FAM168B: variants seen among roughly 807,000 people sequenced by gnomAD.
FAM168B encodes family with sequence similarity 168 member B.
In FAM168B, 19 loss-of-function variants were observed where a neutral mutation model predicts 21.8. That is an observed-to-expected ratio of 0.87 (90% confidence interval 0.61 to 1.28). The LOEUF (loss-of-function observed/expected upper bound fraction) is 1.28, where lower values mean the gene tolerates loss of function less well. Among genes scored for constraint, FAM168B ranks in the 50% most tolerant of loss-of-function variants. The pLI is 0.00. For missense variants in FAM168B, 233 were observed against 263.1 expected, an observed-to-expected ratio of 0.89 and a Z score of 0.79; for synonymous variants, 126 against 104.8, an observed-to-expected ratio of 1.20 and a Z score of -1.24.
chr2:131,086,123 T>A (rs1018340587), intron 1 of FAM168B, among the ~76,000 whole-genome samples: 2 of 152,166 alleles, frequency 1.3e-5, no homozygotes, highest in Admixed American at 1.3e-4. Flanking sequence ...CCTAGTCCCC[T>A]GTACTTTTAA....
chr2:131,063,993 A>T (rs747278261), intron 3 of FAM168B, among the ~76,000 whole-genome samples: 1 of 152,124 alleles, frequency 6.6e-6, no homozygotes, highest in Non-Finnish European at 1.5e-5. Flanking sequence ...GCCTCCCTGA[A>T]ATATCAAATT....
intron 1 of FAM168B, among the ~76,000 whole-genome samples, chr2:131,088,601 C>T (rs1693839831): frequency 6.6e-6 from 1 of 152,044 alleles, no homozygotes; most frequent in African/African-American, 2.4e-5. Context: ...TATGTTTAAT[C>T]CTGGTAACAG....
chr2:131,092,564 CTTGT>C (rs1024028769), intron 1 of FAM168B, among the ~76,000 whole-genome samples: 3 of 152,264 alleles, frequency 2.0e-5, no homozygotes, highest in South Asian at 2.1e-4. Flanking sequence ...GCAAAATATT[CTTGT>C]TTGACTTTAA....
chr2:131,077,450 G>A (rs1693214971), intron 2 of FAM168B, among the ~76,000 whole-genome samples: 1 of 152,128 alleles, frequency 6.6e-6, no homozygotes, highest in South Asian at 2.1e-4. Flanking sequence ...CCATGAGTTC[G>A]GCAAATGTGC....
chr2:131,049,355 G>A lies in FAM168B; in HGVS notation c.*3110C>T, dbSNP rs753831164. The A allele has an allele frequency of 1.4e-5, 14 of 985,382 alleles. No individual in the cohort carries two copies. Among genetic ancestry groups the A allele is most frequent in the African/African-American group, 1.7e-5 (1 of 57,228 alleles). 61.0% of individuals were successfully genotyped at this position (985,382 alleles called of 1,614,324 possible). ...CATTGCCTGTGAACACATTTGCATAGCACTCAAGAAGGTTTCCCAGAATAG... is the reference window on the plus strand; with the variant it reads ...CATTGCCTGTGAACACATTTGCATAACACTCAAGAAGGTTTCCCAGAATAG... On this transcript the variant is annotated 3_prime_UTR_variant, in exon 7 of 7. Coordinates refer to ENST00000389915, the MANE Select transcript of FAM168B (RefSeq NM_001009993.4).
chr2:131,081,596 T>C (rs1322705585), intron 2 of FAM168B, among the ~76,000 whole-genome samples: 2 of 152,214 alleles, frequency 1.3e-5, no homozygotes, highest in East Asian at 3.8e-4. Flanking sequence ...ACTGGACGAC[T>C]AGACTGTTTA....
At position 131,093,454 on chromosome 2, in the gene FAM168B, C is replaced by G. The variant is rs960531477; in HGVS notation, c.-252G>C. 5 of 151,218 alleles carry G rather than the reference C, an allele frequency of 3.3e-5. No homozygotes were observed. The highest frequency in any genetic ancestry group is 6.6e-5 in the Admixed American group (1 of 15,176). 9.4% of individuals were successfully genotyped at this position (151,218 alleles called of 1,614,324 possible). On this transcript the variant is annotated 5_prime_UTR_variant, in exon 1 of 7. Transcript: ENST00000389915. The stretch of plus-strand genomic sequence containing the variant: ...GCCGACGCTGCGCAGCCACCGGAGC[C>G]GCCGACCTCACTTCCGCCTGAGCGC...
At chr2:131,081,138 T>C (rs1413139658) in intron 2 of FAM168B, among the ~76,000 whole-genome samples, 3 of 152,244 alleles carry the variant, frequency 2.0e-5, no homozygotes, top group African/African-American at 7.2e-5. Flanking sequence ...CCATTTTGTT[T>C]CATTTCTTAA....
intron 1 of FAM168B, among the ~76,000 whole-genome samples, chr2:131,089,860 C>T (rs971415831): frequency 6.7e-5 from 10 of 149,802 alleles, no homozygotes; most frequent in African/African-American, 2.2e-4. Context: ...GGTGAAACCC[C>T]GTCTCTACTA....
rs773061548 is a variant in FAM168B, at chr2:131,082,671, A to T, written c.-11-14T>A. On this transcript the variant is annotated splice_polypyrimidine_tract_variant and intron_variant, in intron 1 of 6. Transcript: ENST00000389915. Reference sequence around the variant, plus strand: ...TGATTTCAAAAACTAAAAGAAAAAAAAGGGAATTTAGCCAAGCACTTTTGC... The same window carrying T: ...TGATTTCAAAAACTAAAAGAAAAAATAGGGAATTTAGCCAAGCACTTTTGC... 122 of 1,565,704 alleles carry T rather than the reference A, an allele frequency of 7.8e-5. No homozygotes were observed. The highest frequency in any genetic ancestry group is 4.4e-5 in the Non-Finnish European group (51 of 1,153,974).
intron 1 of FAM168B, among the ~76,000 whole-genome samples, chr2:131,083,740 T>A (rs939030850): frequency 6.6e-6 from 1 of 152,180 alleles, no homozygotes; most frequent in Non-Finnish European, 1.5e-5. Flanking sequence ...TATGATCCCA[T>A]ATAAACACCT....
At chr2:131,082,451 C>T in intron 2 of FAM168B, 126 bp downstream of exon 2, 1 of 639,732 alleles carries the variant, frequency 1.6e-6, no homozygotes, top group South Asian at 2.1e-5. Flanking sequence ...TTTTTCACTT[C>T]CAGGTATTTT....
intron 2 of FAM168B, among the ~76,000 whole-genome samples, chr2:131,075,692 G>A (rs1373815792): frequency 6.6e-6 from 1 of 151,992 alleles, no homozygotes; most frequent in Non-Finnish European, 1.5e-5. Context: ...GTTTCACCAT[G>A]TTAGCCAGGA....
intron 3 of FAM168B, among the ~76,000 whole-genome samples, chr2:131,064,366 G>A (rs1212611347): frequency 6.6e-6 from 1 of 152,006 alleles, no homozygotes; most frequent in Non-Finnish European, 1.5e-5. Context: ...GAAGATCTGT[G>A]CCAAAACACA....
In FAM168B at chr2:131,049,259, C is replaced by T. The variant is rs184101230; in HGVS notation, c.*3206G>A. The T allele has an allele frequency of 4.2e-5, 41 of 985,524 alleles. 1 individual carries two copies. In the African/African-American group the frequency reaches 6.8e-4, roughly 16 times the overall value. The allele number at this position is 985,524 out of a possible 1,614,324, so 61.0% of individuals were successfully genotyped here. A position where few individuals can be genotyped will look rare whatever the true frequency, so the allele number is the denominator to read the frequency against. On this transcript the variant is annotated 3_prime_UTR_variant, in exon 7 of 7. Coordinates refer to ENST00000389915, the MANE Select transcript of FAM168B (RefSeq NM_001009993.4). Reference sequence around the variant, plus strand: ...TGATGCCACCAGAAAGAGCAAGGTACTGTATGCCCAGCTGGGGAAGGGCAA... The same window carrying T: ...TGATGCCACCAGAAAGAGCAAGGTATTGTATGCCCAGCTGGGGAAGGGCAA...
At chr2:131,072,969 G>C (rs1000424403) in intron 2 of FAM168B, among the ~76,000 whole-genome samples, 1 of 152,092 alleles carries the variant, frequency 6.6e-6, no homozygotes, top group Non-Finnish European at 1.5e-5. Context: ...CTATGTAAAG[G>C]TCACTCATTT....
chr2:131,074,514 A>G (rs1460256959), intron 2 of FAM168B, among the ~76,000 whole-genome samples: 1 of 152,182 alleles, frequency 6.6e-6, no homozygotes, highest in Non-Finnish European at 1.5e-5. Context: ...AGCTGTGAGA[A>G]GCTGTAACTT....
chr2:131,061,002 C>A, intron 3 of FAM168B, among the ~76,000 whole-genome samples: 1 of 151,596 alleles, frequency 6.6e-6, no homozygotes, highest in Non-Finnish European at 1.5e-5. Flanking sequence ...CAGGCGCCCA[C>A]CACCAAGCCT....
chr2:131,051,134 A>C lies in FAM168B; in HGVS notation c.*1331T>G. On this transcript the variant is annotated 3_prime_UTR_variant, in exon 7 of 7. Transcript: ENST00000389915. ...TGCTGTCTGTGCTTGCTTTGTGCCA[A>C]GTGCCCTCAGCTGCAAAAGAGATGG... 1.9e-5 allele frequency: 19 copies of C among 985,342 alleles called. No homozygotes were observed. The highest frequency in any genetic ancestry group is 2.3e-5 in the Non-Finnish European group (19 of 829,954). The allele number at this position is 985,342 out of a possible 1,614,324, so 61.0% of individuals were successfully genotyped here. A position where few individuals can be genotyped will look rare whatever the true frequency, so the allele number is the denominator to read the frequency against.
Sources: gnomAD v4.1 joint callset for allele counts (sites outside exome capture counted in the v4.1 genomes callset) on GRCh38, gnomAD v4.1.1 for gene constraint, MANE v1.5 for transcripts, NCBI Gene and HGNC (gene_info 2026-07-23, HGNC 2026-07-21) for gene names.